Variants in INSL6 observed in about 807,000 individuals in gnomAD.
INSL6 encodes insulin like 6, also known as insulin-like peptide INSL6.
A neutral mutation model predicts 9.4 loss-of-function variants in INSL6; 16 were observed. That is an observed-to-expected ratio of 1.70 (90% CI 1.15 to 2.59). The LOEUF (loss-of-function observed/expected upper bound fraction) is 2.59, where lower values mean the gene tolerates loss of function less well. INSL6 is among the 30% of genes most tolerant of loss of function. INSL6 has a pLI of 0.00. For synonymous variants in INSL6, 154 were observed against 96.9 expected (o/e 1.59, Z -3.46); for missense variants, 391 against 257.3 (o/e 1.52, Z -3.56).
At chr9:5,108,364 A>G in the INSL6 span, 1 of 152,130 alleles carries the variant, frequency 6.6e-6, no homozygotes, top group South Asian at 2.1e-4. Context: ...GCAAGCTCAT[A>G]TTTCCTATTG....
chr9:5,121,728 G>A (rs1173960136), downstream of INSL6, among the ~76,000 whole-genome samples: 1 of 152,124 alleles, frequency 6.6e-6, no homozygotes, highest in Non-Finnish European at 1.5e-5. Context: ...GAACAAAGAA[G>A]GAGGAGTCTT....
At chr9:5,083,921 A>AT in the INSL6 span, among the ~76,000 whole-genome samples, 2 of 152,128 alleles carry the variant, frequency 1.3e-5, no homozygotes, top group Admixed American at 1.3e-4. Flanking sequence ...TATATATACA[A>AT]TTCTATATCT....
chr9:5,054,510 T>A, the INSL6 span: 2 of 1,410,780 alleles, frequency 1.4e-6, no homozygotes, highest in Admixed American at 4.5e-5. The surrounding 1 kb of genome is among the most constrained non-coding windows in gnomAD (Gnocchi z 4.9). Flanking sequence ...TTTAGATTTA[T>A]CTTCCAATTT....
chr9:5,004,624 T>C, the INSL6 span, among the ~76,000 whole-genome samples: 2 of 152,316 alleles, frequency 1.3e-5, no homozygotes, highest in South Asian at 4.1e-4. Flanking sequence ...CTTTGACATA[T>C]TATTTTTAGT....
the INSL6 span, among the ~76,000 whole-genome samples, chr9:5,102,519 T>G: frequency 6.6e-6 from 1 of 152,104 alleles, no homozygotes; most frequent in Non-Finnish European, 1.5e-5. Flanking sequence ...AGGCCAACAT[T>G]CAAATTCAGG....
chr9:5,184,725 C>G (rs1257301181), intron 1 of INSL6, among the ~76,000 whole-genome samples: 1 of 152,188 alleles, frequency 6.6e-6, no homozygotes, highest in African/African-American at 2.4e-5. Context: ...TACGTAAACT[C>G]TTAAATGAAG....
chr9:5,185,178 T>C, intron 1 of INSL6, 136 bp downstream of exon 1: 1 of 1,116,940 alleles, frequency 9.0e-7, no homozygotes, highest in Non-Finnish European at 1.3e-6. Context: ...CAATACACTG[T>C]TTTTTACAAT....
the INSL6 span, among the ~76,000 whole-genome samples, chr9:5,075,437 T>C: frequency 1.3e-5 from 2 of 152,184 alleles, no homozygotes; most frequent in African/African-American, 2.4e-5. Context: ...CCATTGGTGA[T>C]TTGAAATTCA....
At chr9:5,160,494 G>A (rs1824903516), downstream of INSL6, among the ~76,000 whole-genome samples, 1 of 152,052 alleles carries the variant, frequency 6.6e-6, no homozygotes, top group South Asian at 2.1e-4. Context: ...GCCTACATCA[G>A]AAAGGCAAAA....
At chr9:5,131,009 G>C (rs548942218) in intron 3 of INSL6, among the ~76,000 whole-genome samples, 1 of 152,074 alleles carries the variant, frequency 6.6e-6, no homozygotes, top group African/African-American at 2.4e-5. Flanking sequence ...GATTACAGGC[G>C]TGAGCCACCG....
At chr9:5,146,224 T>A (rs1824600058) in intron 2 of INSL6, among the ~76,000 whole-genome samples, 1 of 152,214 alleles carries the variant, frequency 6.6e-6, no homozygotes, top group Non-Finnish European at 1.5e-5. Context: ...GGGCCAGTAT[T>A]CAGCTCCCAA....
chr9:5,080,897 T>C, the INSL6 span, among the ~76,000 whole-genome samples: 9 of 75,868 alleles, frequency 1.2e-4, no homozygotes, highest in Admixed American at 8.3e-4. Context: ...CTTTTCTTTT[T>C]TTTTTTTTTT....
chr9:5,144,437 A>G (rs1824559063), intron 2 of INSL6, among the ~76,000 whole-genome samples: 3 of 152,130 alleles, frequency 2.0e-5, no homozygotes, highest in Admixed American at 1.3e-4. Context: ...AATTGCTTTT[A>G]GAGTATGCCA....
chr9:5,116,933 G>A, the INSL6 span, among the ~76,000 whole-genome samples: 172 of 152,332 alleles, frequency 1.1e-3, 1 homozygote, highest in Admixed American at 2.4e-3. Context: ...TAATTCAGCT[G>A]AAGATTTATG....
At chr9:5,183,603 TAAC>T (rs1421174556) in intron 1 of INSL6, among the ~76,000 whole-genome samples, 2 of 152,144 alleles carry the variant, frequency 1.3e-5, no homozygotes, top group East Asian at 1.9e-4. Context: ...TCTCTTTAAA[TAAC>T]AGCCTCAAGC....
chr9:5,071,858 G>A, the INSL6 span, among the ~76,000 whole-genome samples: 2 of 152,164 alleles, frequency 1.3e-5, no homozygotes, highest in Non-Finnish European at 2.9e-5. Context: ...TTACTGCAGA[G>A]TGCAGGCTTT....
At chr9:5,127,967 T>C (rs192453327) in intron 3 of INSL6, 77 of 231,632 alleles carry the variant, frequency 3.3e-4, no homozygotes, top group African/African-American at 1.6e-3. Context: ...TTAAGAAAAA[T>C]GAGCATACAT....
the INSL6 span, among the ~76,000 whole-genome samples, chr9:5,067,332 T>A: frequency 1.3e-5 from 2 of 152,192 alleles, no homozygotes; most frequent in Non-Finnish European, 2.9e-5. Flanking sequence ...CCACTGTTAA[T>A]ACAGATCATT....
the INSL6 span, chr9:5,110,639 C>T: frequency 1.3e-5 from 3 of 222,540 alleles, no homozygotes; most frequent in South Asian, 1.9e-4. Flanking sequence ...ACTCTAAAGA[C>T]CTTATTATCG....
Sources: gnomAD v4.1 joint callset for allele counts (sites outside exome capture counted in the v4.1 genomes callset) on GRCh38, gnomAD v4.1.1 for gene constraint, Gnocchi (gnomAD v3.1) non-coding constraint, MANE v1.5 for transcripts, NCBI Gene and HGNC (gene_info 2026-07-23, HGNC 2026-07-21) for gene names.